The following DOCK2 variants were observed in gnomAD, a reference collection of about 807,000 sequenced individuals.
DOCK2 encodes dedicator of cytokinesis protein 2.
In DOCK2, 87 loss-of-function variants were observed where a neutral mutation model predicts 248.9. The observed-to-expected ratio is 0.35, with a 90% confidence interval of 0.29 to 0.42. The LOEUF (loss-of-function observed/expected upper bound fraction) is 0.42, where lower values mean the gene tolerates loss of function less well. Among genes scored for constraint, DOCK2 ranks in the 10% least tolerant of loss-of-function variants. The pLI is 1.00. For synonymous variants in DOCK2, 805 were observed against 821.6 expected, an observed-to-expected ratio of 0.98 and a Z score of 0.35; for missense variants, 1,747 against 2,300.2, an observed-to-expected ratio of 0.76 and a Z score of 4.92.
At chr5:169,842,465 G>A (rs901619479) in intron 27 of DOCK2, among the ~76,000 whole-genome samples, 4 of 152,016 alleles carry the variant, frequency 2.6e-5, no homozygotes, top group Admixed American at 6.6e-5. Flanking sequence ...TCAAGTGATT[G>A]TCTGGCCTCA....
intron 27 of DOCK2, among the ~76,000 whole-genome samples, chr5:169,929,127 C>T (rs950838294): frequency 6.6e-6 from 1 of 152,154 alleles, no homozygotes; most frequent in African/African-American, 2.4e-5. Flanking sequence ...ACCAGAGTGC[C>T]TATGCAGGAA....
At chr5:169,933,144 G>A (rs1051759221) in intron 27 of DOCK2, among the ~76,000 whole-genome samples, 7 of 152,342 alleles carry the variant, frequency 4.6e-5, no homozygotes, top group Admixed American at 2.6e-4. Flanking sequence ...GGAGAAGGGT[G>A]TAGAAACTAA....
intron 6 of DOCK2, among the ~76,000 whole-genome samples, chr5:169,675,975 G>A (rs1390800932): frequency 3.3e-5 from 5 of 151,484 alleles, no homozygotes; most frequent in African/African-American, 4.9e-5. Context: ...GGTTTGCCCC[G>A]CAGCTGCTAC....
At chr5:169,848,182 A>G (rs575636850) in intron 27 of DOCK2, among the ~76,000 whole-genome samples, 37 of 152,158 alleles carry the variant, frequency 2.4e-4, no homozygotes, top group Middle Eastern at 3.2e-3. Context: ...GAAAAGTTTG[A>G]CTCAAAATGC....
chr5:169,875,826 A>G (rs1006178141), intron 27 of DOCK2: 1 of 152,658 alleles, frequency 6.6e-6, no homozygotes, highest in African/African-American at 2.4e-5. Context: ...AGCTGTTATC[A>G]TTGTAAAAAT....
intron 26 of DOCK2, among the ~76,000 whole-genome samples, chr5:169,819,457 C>CA (rs1021490989): frequency 1.3e-5 from 2 of 152,086 alleles, no homozygotes. Flanking sequence ...CCTACACCTA[C>CA]AAAAAATTAA....
chr5:170,040,900 T>G lies in DOCK2; in HGVS notation c.3666-155T>G. 8.5e-6 allele frequency: 5 copies of G among 586,890 alleles called. No homozygotes were observed. The South Asian group carries it at 9.8e-5, about 12-fold the overall frequency. 36.4% of individuals were successfully genotyped at this position (586,890 alleles called of 1,614,324 possible). On this transcript the variant is annotated intron_variant, in intron 36 of 51. Coordinates refer to ENST00000520908, the MANE Select transcript of DOCK2 (RefSeq NM_004946.3). ...TAAGTAACCAACACACACTAGGTGC[T>G]GTCATTACCCACACAAAGTTCTGGT...
At chr5:169,714,980 C>CAT (rs920310311) in intron 19 of DOCK2, among the ~76,000 whole-genome samples, 1 of 151,548 alleles carries the variant, frequency 6.6e-6, no homozygotes, top group Non-Finnish European at 1.5e-5. Context: ...TGTATATATA[C>CAT]ATATATATAT....
At chr5:169,881,433 A>C in intron 27 of DOCK2, 1 of 1,551,480 alleles carries the variant, frequency 6.4e-7, no homozygotes, top group East Asian at 2.4e-5. Flanking sequence ...CAGTTCGATA[A>C]AAGTTGCGCC....
chr5:169,760,051 G>A (rs1417873916), intron 24 of DOCK2, among the ~76,000 whole-genome samples: 1 of 152,150 alleles, frequency 6.6e-6, no homozygotes, highest in Non-Finnish European at 1.5e-5. Context: ...TGAGATGAAT[G>A]TTTCCATTTC....
intron 47 of DOCK2, 103 bp from the exon 48 acceptor site, chr5:170,077,607 C>T: frequency 6.6e-7 from 1 of 1,526,590 alleles, no homozygotes. Flanking sequence ...CTCCACTCAG[C>T]CCCACAACTC....
At chr5:169,650,862 C>A (rs776928780) in intron 1 of DOCK2, among the ~76,000 whole-genome samples, 5 of 152,054 alleles carry the variant, frequency 3.3e-5, no homozygotes, top group Non-Finnish European at 7.4e-5. Context: ...GTCAGTATTC[C>A]CCAGGGCTTG....
chr5:170,053,659 T>C (rs552518886), intron 41 of DOCK2, among the ~76,000 whole-genome samples: 1 of 152,312 alleles, frequency 6.6e-6, no homozygotes, highest in South Asian at 2.1e-4. Context: ...ATGGTTTTCC[T>C]GAAAATCATA....
At chr5:169,704,935 G>A (rs1215768820) in intron 14 of DOCK2, among the ~76,000 whole-genome samples, 3 of 152,168 alleles carry the variant, frequency 2.0e-5, no homozygotes, top group Non-Finnish European at 4.4e-5. Flanking sequence ...GCCAAGGGGG[G>A]CAGATCACTT....
In DOCK2 at chr5:169,967,034, G is replaced by A. The variant is rs144802861; in HGVS notation, c.2800-16034G>A. ...ATATCCATTCATTGAGCAATTAATG[G>A]TGAAGTACCTCCTATGTGCCAGGCA... On this transcript the variant is annotated intron_variant, in intron 27 of 51. Coordinates refer to ENST00000520908, the MANE Select transcript of DOCK2 (RefSeq NM_004946.3). 5.7e-4 allele frequency among the ~76,000 whole-genome samples: 87 copies of A among 152,340 alleles called. 1 individual carries two copies. In the East Asian group the frequency reaches 0.013, roughly 22 times the overall value.
chr5:170,046,516 C>T (rs1050506066), intron 39 of DOCK2, among the ~76,000 whole-genome samples: 1 of 152,170 alleles, frequency 6.6e-6, no homozygotes, highest in Non-Finnish European at 1.5e-5. Flanking sequence ...CCCAGGGACC[C>T]CTCTTAGCCC....
intron 15 of DOCK2, among the ~76,000 whole-genome samples, chr5:169,709,582 A>G (rs1761464553): frequency 6.6e-6 from 1 of 152,042 alleles, no homozygotes; most frequent in Non-Finnish European, 1.5e-5. Context: ...TGAGTCGTGC[A>G]TGGTGTCATG....
intron 27 of DOCK2, among the ~76,000 whole-genome samples, chr5:169,849,508 T>C (rs1234311884): frequency 2.0e-5 from 3 of 152,254 alleles, no homozygotes; most frequent in Non-Finnish European, 2.9e-5. Context: ...GCCTAGATCA[T>C]GGAATCTAAT....
At chr5:169,953,348 A>AG (rs1776743989) in intron 27 of DOCK2, among the ~76,000 whole-genome samples, 1 of 130,690 alleles carries the variant, frequency 7.7e-6, no homozygotes, top group Non-Finnish European at 1.7e-5. Context: ...AAAAAAAAAA[A>AG]GAGAGAGAGA....
Sources: allele counts gnomAD v4.1 joint callset (sites outside exome capture counted in the v4.1 genomes callset), GRCh38; gene constraint gnomAD v4.1.1; transcripts MANE v1.5; gene names NCBI Gene and HGNC (gene_info 2026-07-23, HGNC 2026-07-21).